Variants in METTL1 observed in about 807,000 individuals in gnomAD.
The protein encoded by METTL1 is tRNA (guanine-N(7)-)-methyltransferase.
In METTL1, 14 loss-of-function variants were observed where a neutral mutation model predicts 27.7. That is an observed-to-expected ratio of 0.51 (90% confidence interval 0.33 to 0.79). METTL1 has a LOEUF of 0.79. Ranked by LOEUF, METTL1 falls within the 30% of genes least tolerant of loss-of-function variation. METTL1 has a pLI of 0.02. For synonymous variants in METTL1, 138 were observed against 137.0 expected, an observed-to-expected ratio of 1.01 and a Z score of -0.05; for missense variants, 333 against 359.6, an observed-to-expected ratio of 0.93 and a Z score of 0.60.
chr12:57,770,743 T>G, intron 2 of METTL1: 1 of 197,652 alleles, frequency 5.1e-6, no homozygotes, highest in South Asian at 1.1e-4. Context: ...GGAGGGGAGA[T>G]GGTAGAATCT....
At position 57,772,006 on chromosome 12, in the gene METTL1, G is replaced by A; in HGVS notation, c.78C>T (p.His26=). The part of the protein sequence containing the change: ...PQKRYYRQRA[H]SNPMADHTLR... Reference sequence around the variant, plus strand: ...GCGTGTGGTCCGCCATGGGGTTGGAGTGAGCACGTTGCCGGTAGTAGCGCT... The same window carrying A: ...GCGTGTGGTCCGCCATGGGGTTGGAATGAGCACGTTGCCGGTAGTAGCGCT... Residue 26 remains histidine (H), a synonymous_variant, in exon 1 of 6, where the codon CAC becomes CAT. Coordinates refer to ENST00000324871, the MANE Select transcript of METTL1 (RefSeq NM_005371.6). This position sits in a 1 kb window ranked among gnomAD's most constrained non-coding sequence, Gnocchi z 4.1. 6.4e-7 allele frequency: 1 copy of A among 1,552,444 alleles called. No homozygotes were observed.
intron 1 of METTL1, 95 bp from the exon 2 acceptor site, chr12:57,771,352 T>G (rs1595124467): frequency 6.6e-7 from 1 of 1,504,934 alleles, no homozygotes; most frequent in Non-Finnish European, 8.9e-7. Flanking sequence ...GGGTGGGAGG[T>G]AAAAGGGAGG....
chr12:57,771,617 G>C (rs1267385833), intron 1 of METTL1: 48 of 1,535,314 alleles, frequency 3.1e-5, no homozygotes, highest in Non-Finnish European at 4.0e-5. Flanking sequence ...TGCGGGGAGG[G>C]AAGGTAAGGT....
chr12:57,769,860 C>T lies in METTL1; in HGVS notation c.371G>A (p.Arg124His), dbSNP rs752061766. ...DYVQDRIRALRAAPAGGFQNI... is the reference protein window; with the variant it reads ...DYVQDRIRALHAAPAGGFQNI... ...CTGGAAGCCACCTGCAGGAGCTGCG[C>T]GTAGGGCCCGAATCCGGTCTTGTAC... is the stretch of plus-strand genomic sequence containing the variant. Residue 124 changes from arginine (R) to histidine (H), a missense_variant, in exon 3 of 6, where the codon CGC (arginine) becomes CAC (histidine). Transcript: ENST00000324871. The T allele has an allele frequency of 3.7e-6, 6 of 1,614,178 alleles. No homozygotes were observed. Among genetic ancestry groups the T allele is most frequent in the East Asian group, 2.2e-5 (1 of 44,890 alleles).
chr12:57,771,020 C>G (rs1379096989), intron 2 of METTL1, 74 bp downstream of exon 2: 2 of 1,525,360 alleles, frequency 1.3e-6, no homozygotes, highest in Non-Finnish European at 8.9e-7. Context: ...CAATTATGAC[C>G]CCCCACAAAA....
chr12:57,771,962 C>T lies in METTL1; in HGVS notation c.110+12G>A. The T allele has an allele frequency of 6.6e-7, 1 of 1,506,656 alleles. No individual in the cohort carries two copies. The highest frequency in any genetic ancestry group is 8.8e-7 in the Non-Finnish European group (1 of 1,133,636). The allele number at this position is 1,506,656 out of a possible 1,614,324, so 93.3% of individuals were successfully genotyped here. A position where few individuals can be genotyped will look rare whatever the true frequency, so the allele number is the denominator to read the frequency against. On this transcript the variant is annotated intron_variant, in intron 1 of 5. Coordinates refer to ENST00000324871, the MANE Select transcript of METTL1 (RefSeq NM_005371.6). ...TCCCGCCCTCCTCTCTCTCCCTCTG[C>T]CCACTCCTCACTAGCGCAGCGTGTG...
At chr12:57,771,935 A>T (rs1447950677) in intron 1 of METTL1, 39 bp downstream of exon 1, 2 of 1,481,840 alleles carry the variant, frequency 1.3e-6, no homozygotes, top group South Asian at 2.8e-5. Context: ...CTGCTTTGAG[A>T]ATCCCGCCCT....
At position 57,768,881 on chromosome 12, in the gene METTL1, T is replaced by G; in HGVS notation, c.*115A>C. The G allele has an allele frequency of 1.5e-6, 2 of 1,366,698 alleles. No individual in the cohort carries two copies. Among genetic ancestry groups the G allele is most frequent in the Non-Finnish European group, 2.0e-6 (2 of 1,006,638 alleles). 84.7% of individuals were successfully genotyped at this position (1,366,698 alleles called of 1,614,324 possible). A position where few individuals can be genotyped will look rare whatever the true frequency, so the allele number is the denominator to read the frequency against. On this transcript the variant is annotated 3_prime_UTR_variant, in exon 6 of 6. Coordinates refer to ENST00000324871, the MANE Select transcript of METTL1 (RefSeq NM_005371.6). ...GTTCTGCCCTGGGCAGCTCCCCACCTTCTTTAAGAGAGTACTGTGTCTCAG... is the reference window on the plus strand; with the variant it reads ...GTTCTGCCCTGGGCAGCTCCCCACCGTCTTTAAGAGAGTACTGTGTCTCAG...
In METTL1 at chr12:57,772,084, G is replaced by C. The variant is rs1369331322; in HGVS notation, c.-1C>G. Reference sequence around the variant, plus strand: ...CCACGTTCCGAGTCTCGGCTGCCATGATCCCAGTCCGGGGTTTCTCTACCA... The same window carrying C: ...CCACGTTCCGAGTCTCGGCTGCCATCATCCCAGTCCGGGGTTTCTCTACCA... On this transcript the variant is annotated 5_prime_UTR_variant, in exon 1 of 6. It adds an upstream start codon to the 5' untranslated region. Coordinates refer to ENST00000324871, the MANE Select transcript of METTL1 (RefSeq NM_005371.6). This position sits in a 1 kb window ranked among gnomAD's most constrained non-coding sequence, Gnocchi z 4.1. The C allele has an allele frequency of 3.2e-6, 5 of 1,568,432 alleles. No homozygotes were observed. The African/African-American group carries it at 4.2e-5, about 13-fold the overall frequency.
At position 57,771,273 on chromosome 12, in the gene METTL1, C is replaced by T. The variant is rs1008184238; in HGVS notation, c.111-16G>A. ...CTTCACAGGGCTATTGGAAAGAAGA[C>T]ATAAGAAGCATGAGAAGGTTGGTCA... On this transcript the variant is annotated splice_polypyrimidine_tract_variant and intron_variant, in intron 1 of 5. Transcript: ENST00000324871. The T allele has an allele frequency of 9.2e-6, 13 of 1,408,720 alleles. No individual in the cohort carries two copies. The highest frequency in any genetic ancestry group is 1.2e-5 in the Non-Finnish European group (13 of 1,050,418). The allele number at this position is 1,408,720 out of a possible 1,614,324, so 87.3% of individuals were successfully genotyped here.
At position 57,771,089 on chromosome 12, in the gene METTL1, G is replaced by A. The variant is rs774646669; in HGVS notation, c.274+5C>T. 1.1e-5 allele frequency: 18 copies of A among 1,612,572 alleles called. No individual in the cohort carries two copies. The highest frequency in any genetic ancestry group is 5.0e-5 in the Admixed American group (3 of 59,896). ...CTCACCCCAAAAAGAGGGCCTGAGT[G>A]TTACCTAACAGGCCACCATAGCCAC... On this transcript the variant is annotated splice_donor_5th_base_variant and intron_variant, in intron 2 of 5. Transcript: ENST00000324871.
intron 1 of METTL1, chr12:57,771,571 C>A (rs1394175876): frequency 1.3e-6 from 2 of 1,535,352 alleles, no homozygotes; most frequent in South Asian, 2.4e-5. Flanking sequence ...AGACTGGCTG[C>A]CTAATGCACT....
rs1196999680 is a variant in METTL1 at position 57,768,978 on chromosome 12, C to T, written c.*18G>A. ...CTAATCCCTGGGAGACGAGGTCCAG[C>T]TAAGGTAGAGTAAGCAGTCAGTGAC... On this transcript the variant is annotated 3_prime_UTR_variant, in exon 6 of 6. Coordinates refer to ENST00000324871, the MANE Select transcript of METTL1 (RefSeq NM_005371.6). 3 of 1,592,504 alleles carry T rather than the reference C, an allele frequency of 1.9e-6. No individual in the cohort carries two copies. Among genetic ancestry groups the T allele is most frequent in the East Asian group, 4.5e-5 (2 of 44,288 alleles).
chr12:57,770,240 CTG>C (rs1342752142), intron 2 of METTL1, among the ~76,000 whole-genome samples: 1 of 152,172 alleles, frequency 6.6e-6, no homozygotes, highest in African/African-American at 2.4e-5. Flanking sequence ...TTATAACACT[CTG>C]TGGTAAATTG....
chr12:57,770,016 T>A (rs1955410732), intron 2 of METTL1, 60 bp from the exon 3 acceptor site: 1 of 1,510,106 alleles, frequency 6.6e-7, no homozygotes, highest in African/African-American at 1.4e-5. Flanking sequence ...TGCAAAGGGG[T>A]CAACACAGGA....
chr12:57,770,866 C>G (rs1360131948), intron 2 of METTL1: 4 of 467,594 alleles, frequency 8.6e-6, no homozygotes, highest in African/African-American at 1.9e-5. Flanking sequence ...TAGGGATTGA[C>G]GCCAGAAAGG....
At position 57,769,960 on chromosome 12, in the gene METTL1, C is replaced by T. The variant is rs1955409767; in HGVS notation, c.275-4G>A. On this transcript the variant is annotated splice_region_variant and splice_polypyrimidine_tract_variant and intron_variant, in intron 2 of 5. Transcript: ENST00000324871. Reference sequence around the variant, plus strand: ...GGGAACAGCGGTGACAGTTCCACTGCACACAGAAATAGCAATGGAATCATC... The same window carrying T: ...GGGAACAGCGGTGACAGTTCCACTGTACACAGAAATAGCAATGGAATCATC... 1.3e-6 allele frequency: 2 copies of T among 1,598,020 alleles called. No homozygotes were observed. Among genetic ancestry groups the T allele is most frequent in the Non-Finnish European group, 1.7e-6 (2 of 1,170,028 alleles).
rs746049243 is a variant in METTL1, at chr12:57,771,188, A to G, written c.180T>C (p.Asn60=). ...YPEFFAPLTQ[N]QSHDDPKDKK... ...TATCCTTTGGGTCATCGTGGCTCTG[A>G]TTTTGAGTGAGTGGAGCGAAGAACT... Residue 60 remains asparagine (N), a synonymous_variant, in exon 2 of 6, where the codon AAT becomes AAC. Coordinates refer to ENST00000324871, the MANE Select transcript of METTL1 (RefSeq NM_005371.6). 22 of 1,613,972 alleles carry G rather than the reference A, an allele frequency of 1.4e-5. No individual in the cohort carries two copies. The Admixed American group carries it at 3.7e-4, about 27-fold the overall frequency.
chr12:57,768,913 C>A lies in METTL1; in HGVS notation c.*83G>T, dbSNP rs774677732. 30 of 1,506,496 alleles carry A rather than the reference C, an allele frequency of 2.0e-5. 1 individual carries two copies. The South Asian group carries it at 3.8e-4, about 19-fold the overall frequency. The allele number at this position is 1,506,496 out of a possible 1,614,324, so 93.3% of individuals were successfully genotyped here. A position where few individuals can be genotyped will look rare whatever the true frequency, so the allele number is the denominator to read the frequency against. On this transcript the variant is annotated 3_prime_UTR_variant, in exon 6 of 6. Coordinates refer to ENST00000324871, the MANE Select transcript of METTL1 (RefSeq NM_005371.6). Reference sequence around the variant, plus strand: ...AGAGAGTACTGTGTCTCAGCTCCAGCAGTCTCAACTGGGAAGACCCAGGAC... The same window carrying A: ...AGAGAGTACTGTGTCTCAGCTCCAGAAGTCTCAACTGGGAAGACCCAGGAC...
Sources: gnomAD v4.1 joint callset for allele counts (sites outside exome capture counted in the v4.1 genomes callset) on GRCh38, gnomAD v4.1.1 for gene constraint, Gnocchi (gnomAD v3.1) non-coding constraint, MANE v1.5 for transcripts, NCBI Gene and HGNC (gene_info 2026-07-23, HGNC 2026-07-21) for gene names.